Variants in DOCK1 observed in about 807,000 individuals in gnomAD.
DOCK1 encodes the protein dedicator of cytokinesis 1.
A neutral mutation model predicts 262.7 loss-of-function variants in DOCK1; 138 were observed. The observed-to-expected ratio is 0.53, with a 90% CI of 0.46 to 0.61. DOCK1 has a LOEUF of 0.61. Ranked by LOEUF, DOCK1 falls within the 20% of genes least tolerant of loss-of-function variation. The probability of loss-of-function intolerance (pLI) is 0.00; values close to 1 mark genes in which losing one functional copy is unlikely to be tolerated. For synonymous variants in DOCK1, 866 were observed against 867.4 expected, an observed-to-expected ratio of 1.00 and a Z score of 0.03; for missense variants, 1,908 against 2,370.7, an observed-to-expected ratio of 0.80 and a Z score of 4.05.
At chr10:127,168,091 G>T (rs143686252) in intron 27 of DOCK1, among the ~76,000 whole-genome samples, 10 of 152,298 alleles carry the variant, frequency 6.6e-5, no homozygotes, top group Non-Finnish European at 1.2e-4. Context: ...GTCCAGAGGG[G>T]TTAATAAGCC....
At chr10:127,063,047 C>T (rs2045636538) in intron 23 of DOCK1, among the ~76,000 whole-genome samples, 2 of 152,194 alleles carry the variant, frequency 1.3e-5, no homozygotes, top group African/African-American at 4.8e-5. Context: ...CTTGGTTATC[C>T]TAGTTATGGC....
At position 127,024,673 on chromosome 10, in the gene DOCK1, C is replaced by T. The variant is rs763067721; in HGVS notation, c.1453-12C>T. On this transcript the variant is annotated splice_polypyrimidine_tract_variant and intron_variant, in intron 14 of 51. Transcript: ENST00000623213. ...GAGGTCTTACGTGAGCTCTTTATGT[C>T]TTCTTTTAAAGCATGTGATTTTCCC... The T allele has an allele frequency of 6.2e-7, 1 of 1,603,142 alleles. No individual in the cohort carries two copies. Among genetic ancestry groups the T allele is most frequent in the Non-Finnish European group, 8.5e-7 (1 of 1,174,702 alleles).
chr10:126,934,652 G>T (rs2034430408), intron 1 of DOCK1, among the ~76,000 whole-genome samples: 1 of 151,040 alleles, frequency 6.6e-6, no homozygotes, highest in South Asian at 2.1e-4. Flanking sequence ...TTGAAAAGAT[G>T]TGTGTCAACT....
chr10:127,221,729 G>A (rs2058444311), intron 27 of DOCK1, among the ~76,000 whole-genome samples: 1 of 152,204 alleles, frequency 6.6e-6, no homozygotes, highest in African/African-American at 2.4e-5. Flanking sequence ...GCAACTCAGG[G>A]GAAGTGGTGT....
chr10:127,040,489 A>G (rs922661298), intron 19 of DOCK1, among the ~76,000 whole-genome samples: 3 of 152,292 alleles, frequency 2.0e-5, no homozygotes, highest in African/African-American at 7.2e-5. Context: ...CATGCTGGGC[A>G]TGCTGGACAT....
At chr10:127,295,725 A>G (rs2061484968) in intron 29 of DOCK1, among the ~76,000 whole-genome samples, 1 of 151,576 alleles carries the variant, frequency 6.6e-6, no homozygotes, top group South Asian at 2.1e-4. Flanking sequence ...TTTGGGGCCA[A>G]GGTTGCTTAA....
chr10:127,389,900 G>T (rs1029856107), intron 38 of DOCK1, among the ~76,000 whole-genome samples: 2 of 151,908 alleles, frequency 1.3e-5, no homozygotes, highest in African/African-American at 4.8e-5. Flanking sequence ...TGTAATCCCA[G>T]CTACTTGGGA....
intron 33 of DOCK1, among the ~76,000 whole-genome samples, chr10:127,365,128 A>G (rs948679656): frequency 6.6e-6 from 1 of 152,224 alleles, no homozygotes; most frequent in African/African-American, 2.4e-5. Flanking sequence ...GATATTAATG[A>G]TGGCATAAAA....
At chr10:127,238,385 T>G (rs1431766041) in intron 27 of DOCK1, among the ~76,000 whole-genome samples, 1 of 152,110 alleles carries the variant, frequency 6.6e-6, no homozygotes, top group Non-Finnish European at 1.5e-5. Flanking sequence ...AGTGTCTTCG[T>G]CCCCAAAGAC....
At chr10:127,139,839 C>G (rs768004921) in intron 27 of DOCK1, among the ~76,000 whole-genome samples, 19 of 152,114 alleles carry the variant, frequency 1.2e-4, no homozygotes, top group Non-Finnish European at 2.4e-4. Context: ...GAACGAGCCT[C>G]CTAAACTGTA....
Position 127,047,309 on chromosome 10 carries a change from A to G in DOCK1, c.2201+4145A>G, listed in dbSNP as rs920736702. Among the ~76,000 whole-genome samples the G allele has an allele frequency of 3.9e-5, 6 of 152,208 alleles. No homozygotes were observed. In the East Asian group the frequency reaches 1.2e-3, roughly 29 times the overall value. ...TATCATTTAAAAATAACACATGCTC[A>G]ACGGATAAAAAATAGTAAAGAAATC... On this transcript the variant is annotated intron_variant, in intron 21 of 51. Transcript: ENST00000623213.
intron 4 of DOCK1, among the ~76,000 whole-genome samples, chr10:126,984,807 G>T (rs944351017): frequency 6.6e-6 from 1 of 152,032 alleles, no homozygotes; most frequent in Non-Finnish European, 1.5e-5. Context: ...TCATTTGTTT[G>T]TAGTGAGAAC....
chr10:127,270,546 TCTTC>T (rs1300834752), intron 29 of DOCK1, among the ~76,000 whole-genome samples: 16 of 131,702 alleles, frequency 1.2e-4, no homozygotes, highest in Admixed American at 7.0e-4. Context: ...TCCCTCCCTC[TCTTC>T]CTTCCTTCCT....
chr10:127,018,644 T>G (rs947408913), intron 12 of DOCK1, 66 bp from the exon 13 acceptor site: 8 of 1,608,908 alleles, frequency 5.0e-6, no homozygotes, highest in Non-Finnish European at 6.8e-6. Context: ...TTGAAATTGG[T>G]TTCGTGAAAA....
In DOCK1 at chr10:127,311,365, A is replaced by G. The variant is rs867464120; in HGVS notation, c.3045-27641A>G. ...TTCTTACTCATCCTGCAGAAGGAAC[A>G]TCCTCCAGGCAGAACCAAAAACAGC... On this transcript the variant is annotated intron_variant, in intron 29 of 51. Transcript: ENST00000623213. 9.2e-5 allele frequency among the ~76,000 whole-genome samples: 14 copies of G among 152,224 alleles called. No individual in the cohort carries two copies. The South Asian group carries it at 2.1e-3, about 23-fold the overall frequency.
chr10:127,433,247 C>T lies in DOCK1; in HGVS notation c.4915-36C>T, dbSNP rs185066350. 385 of 1,608,188 alleles carry T rather than the reference C, an allele frequency of 2.4e-4. No individual in the cohort carries two copies. In the African/African-American group the frequency reaches 4.7e-3, roughly 20 times the overall value. ...GTCTGACCATGGCAGGCACAGGCAT[C>T]AAACAAGTCTCCTTCTCTCTCTTTC... On this transcript the variant is annotated intron_variant, in intron 47 of 51. Transcript: ENST00000623213.
chr10:126,958,885 C>T (rs1224294650), intron 1 of DOCK1, among the ~76,000 whole-genome samples: 1 of 152,148 alleles, frequency 6.6e-6, no homozygotes, highest in Non-Finnish European at 1.5e-5. Context: ...GTGACCATGG[C>T]CCGTGACACA....
chr10:127,294,816 T>C (rs1379172096), intron 29 of DOCK1, among the ~76,000 whole-genome samples: 1 of 151,858 alleles, frequency 6.6e-6, no homozygotes, highest in Non-Finnish European at 1.5e-5. Flanking sequence ...AATTTTTGTA[T>C]TTTTTAGTAG....
At chr10:127,321,603 C>A (rs1293032536) in intron 29 of DOCK1, among the ~76,000 whole-genome samples, 7 of 151,898 alleles carry the variant, frequency 4.6e-5, no homozygotes, top group Non-Finnish European at 8.8e-5. Context: ...TCCCTCCTAT[C>A]CCCAAGGAGG....
Sources: allele counts gnomAD v4.1 joint callset (sites outside exome capture counted in the v4.1 genomes callset), GRCh38; gene constraint gnomAD v4.1.1; transcripts MANE v1.5; gene names NCBI Gene and HGNC (gene_info 2026-07-23, HGNC 2026-07-21).